Variants in KIAA1549 observed in about 807,000 individuals in gnomAD.
KIAA1549 encodes UPF0606 protein KIAA1549.
In KIAA1549, 70 loss-of-function variants were observed where a neutral mutation model predicts 156.4. The ratio of observed to expected loss-of-function variants is 0.45; its 90% CI spans 0.37 to 0.55. KIAA1549 has a LOEUF of 0.55. KIAA1549 is among the 20% of genes least tolerant of loss of function. The pLI is 0.00. For synonymous variants in KIAA1549, 1,103 were observed against 1,066.4 expected (o/e 1.03, Z -0.67); for missense variants, 2,428 against 2,540.9 (o/e 0.96, Z 0.96).
intron 1 of KIAA1549, among the ~76,000 whole-genome samples, chr7:138,955,144 C>T (rs1453883652): frequency 6.6e-6 from 1 of 152,202 alleles, no homozygotes; most frequent in African/African-American, 2.4e-5. Flanking sequence ...AACACTGTCC[C>T]TGACCCCCAC....
intron 1 of KIAA1549, among the ~76,000 whole-genome samples, chr7:138,951,979 T>C (rs1013505090): frequency 6.6e-6 from 1 of 152,148 alleles, no homozygotes; most frequent in Non-Finnish European, 1.5e-5. Flanking sequence ...TGGACTGGAA[T>C]CTCCATGAAT....
In KIAA1549 at chr7:138,933,984, A is replaced by G. The variant is rs992483052; in HGVS notation, c.188-14546T>C. ...CTGTCTCAAAAATAATAATAGTAAAATAAATAAAATACAACTCTTGCAAAA... is the reference window on the plus strand; with the variant it reads ...CTGTCTCAAAAATAATAATAGTAAAGTAAATAAAATACAACTCTTGCAAAA... On this transcript the variant is annotated intron_variant, in intron 1 of 19. Coordinates refer to ENST00000422774, the MANE Select transcript of KIAA1549 (RefSeq NM_001164665.2). Among the ~76,000 whole-genome samples the G allele has an allele frequency of 3.3e-5, 5 of 152,186 alleles. No homozygotes were observed. The East Asian group carries it at 7.7e-4, about 23-fold the overall frequency.
intron 10 of KIAA1549, among the ~76,000 whole-genome samples, chr7:138,885,084 A>G (rs958401941): frequency 1.3e-5 from 2 of 151,980 alleles, no homozygotes; most frequent in African/African-American, 2.4e-5. Context: ...AATCCCAGCT[A>G]CTCGGGAGGC....
Position 138,836,935 on chromosome 7 carries a change from T to G in KIAA1549, c.*971A>C. 1 of 226,690 alleles carries G rather than the reference T, an allele frequency of 4.4e-6. No individual in the cohort carries two copies. Among genetic ancestry groups the G allele is most frequent in the Non-Finnish European group, 8.8e-6 (1 of 114,024 alleles). The allele number at this position is 226,690 out of a possible 1,614,324, so 14.0% of individuals were successfully genotyped here. On this transcript the variant is annotated 3_prime_UTR_variant, in exon 20 of 20. Transcript: ENST00000422774. Reference sequence around the variant, plus strand: ...TTAAATAACTTCTGCTTACAGAAGATTTCTCATTCAGACATAATTTGTGAA... The same window carrying G: ...TTAAATAACTTCTGCTTACAGAAGAGTTCTCATTCAGACATAATTTGTGAA...
At chr7:138,925,998 G>A (rs944424992) in intron 1 of KIAA1549, among the ~76,000 whole-genome samples, 5 of 152,144 alleles carry the variant, frequency 3.3e-5, no homozygotes, top group Non-Finnish European at 7.3e-5. Flanking sequence ...AGGCACAGAC[G>A]CTGGGAAAAT....
rs1416040276 is a variant in KIAA1549 at position 138,975,231 on chromosome 7, AAAAG to A, written c.187+5848_187+5851del. On this transcript the variant is annotated intron_variant, in intron 1 of 19. Transcript: ENST00000422774. ...CCTGAAGCTAACAAAGGAGATGGAA[AAAAG>A]AAAGAGACAAAGAGAAAGAATAAGA... Among the ~76,000 whole-genome samples, 4 of 152,342 alleles carry A rather than the reference AAAAG, an allele frequency of 2.6e-5. No individual in the cohort carries two copies. The East Asian group carries it at 7.7e-4, about 29-fold the overall frequency.
rs532286904 is a variant in KIAA1549 at position 138,940,584 on chromosome 7, C to T, written c.188-21146G>A. On this transcript the variant is annotated intron_variant, in intron 1 of 19. Transcript: ENST00000422774. ...TTCTAGTTCTAGATCCCTGAGGAAT[C>T]GCTACAGTGACTTCCACAATGGTTG... Among the ~76,000 whole-genome samples the T allele has an allele frequency of 1.7e-4, 26 of 151,828 alleles. 1 individual carries two copies. The South Asian group carries it at 5.5e-3, about 32-fold the overall frequency.
intron 1 of KIAA1549, among the ~76,000 whole-genome samples, chr7:138,940,656 C>T (rs373852922): frequency 0.077 from 11,652 of 151,912 alleles, 547 homozygotes; most frequent in South Asian, 0.19. Flanking sequence ...TCCTATTTCT[C>T]CACATCCTCT....
chr7:138,948,726 C>T lies in KIAA1549; in HGVS notation c.188-29288G>A, dbSNP rs549246623. ...TTTTTTTTTGAGATAGAGTTTCGCT[C>T]TCATTGCCCAGGCTGGAGTGCAATG... On this transcript the variant is annotated intron_variant, in intron 1 of 19. Coordinates refer to ENST00000422774, the MANE Select transcript of KIAA1549 (RefSeq NM_001164665.2). Among the ~76,000 whole-genome samples, 360 of 146,460 alleles carry T rather than the reference C, an allele frequency of 2.5e-3. 1 individual carries two copies. Among genetic ancestry groups the T allele is most frequent in the Admixed American group, 5.0e-3 (73 of 14,600 alleles).
intron 1 of KIAA1549, among the ~76,000 whole-genome samples, chr7:138,933,024 C>G (rs1812914773): frequency 6.6e-6 from 1 of 152,072 alleles, no homozygotes; most frequent in Non-Finnish European, 1.5e-5. Context: ...GGGGAAGGGT[C>G]GCTGTGCTGA....
At chr7:138,955,199 T>G (rs1813625709) in intron 1 of KIAA1549, among the ~76,000 whole-genome samples, 1 of 152,196 alleles carries the variant, frequency 6.6e-6, no homozygotes, top group African/African-American at 2.4e-5. Flanking sequence ...AATAAATCAC[T>G]GTAATTCACA....
At chr7:138,965,397 C>T (rs1813989724) in intron 1 of KIAA1549, among the ~76,000 whole-genome samples, 1 of 152,130 alleles carries the variant, frequency 6.6e-6, no homozygotes, top group Admixed American at 6.5e-5. Context: ...TGCCATGTTG[C>T]CCAGGCTGGT....
intron 17 of KIAA1549, among the ~76,000 whole-genome samples, chr7:138,846,526 T>A: frequency 1.1e-5 from 1 of 88,232 alleles, no homozygotes; most frequent in South Asian, 5.0e-4. Context: ...GGAGCAAGAC[T>A]CCATCTCAAA....
Position 138,840,060 on chromosome 7 carries a change from G to A in KIAA1549, c.5598+73C>T, listed in dbSNP as rs556687198. ...CCGCCTCGGCCTCCCAAAGTGCTGG[G>A]ATTACAGGTGTGAGCCACCGCACCT... On this transcript the variant is annotated intron_variant, in intron 19 of 19. Transcript: ENST00000422774. 1,242 of 1,373,956 alleles carry A rather than the reference G, an allele frequency of 9.0e-4. 2 individuals are homozygous for A. Among genetic ancestry groups the A allele is most frequent in the Non-Finnish European group, 1.1e-3 (1,160 of 1,009,874 alleles). 85.1% of individuals were successfully genotyped at this position (1,373,956 alleles called of 1,614,324 possible). A position where few individuals can be genotyped will look rare whatever the true frequency, so the allele number is the denominator to read the frequency against.
chr7:138,894,680 A>G (rs1421021307), intron 9 of KIAA1549, among the ~76,000 whole-genome samples, 154 bp from the exon 10 acceptor site: 3 of 152,270 alleles, frequency 2.0e-5, no homozygotes, highest in African/African-American at 7.2e-5. Context: ...AAATGTGACC[A>G]GCAGAGAAAC....
At chr7:138,903,180 C>T (rs1465320714) in intron 8 of KIAA1549, among the ~76,000 whole-genome samples, 1 of 152,190 alleles carries the variant, frequency 6.6e-6, no homozygotes, top group East Asian at 1.9e-4. Flanking sequence ...CCTCTATCTG[C>T]TCTCCTATGG....
intron 1 of KIAA1549, among the ~76,000 whole-genome samples, chr7:138,975,189 C>G (rs916141993): frequency 1.3e-5 from 2 of 151,860 alleles, no homozygotes; most frequent in East Asian, 3.9e-4. Flanking sequence ...TAGAATTTCA[C>G]TAATGAGAAG....
intron 11 of KIAA1549, 55 bp from the exon 12 acceptor site, chr7:138,879,708 A>G (rs924233670): frequency 1.7e-6 from 2 of 1,168,684 alleles, no homozygotes; most frequent in African/African-American, 3.1e-5. Context: ...TGAAAAGGAA[A>G]AAGTCCCATT....
At chr7:138,973,354 T>C (rs958062020) in intron 1 of KIAA1549, among the ~76,000 whole-genome samples, 3 of 152,184 alleles carry the variant, frequency 2.0e-5, no homozygotes, top group Non-Finnish European at 4.4e-5. Flanking sequence ...TTTTAACAGG[T>C]GATTCTGATC....
Sources: allele counts gnomAD v4.1 joint callset (sites outside exome capture counted in the v4.1 genomes callset), GRCh38; gene constraint gnomAD v4.1.1; transcripts MANE v1.5; gene names NCBI Gene and HGNC (gene_info 2026-07-23, HGNC 2026-07-21).